Variants in TENM4 observed in about 807,000 individuals in gnomAD.
TENM4 encodes teneurin transmembrane protein 4.
TENM4 carries 82 observed loss-of-function variants against 243.3 expected under a neutral mutation model. That is an observed-to-expected ratio of 0.34 (90% confidence interval 0.28 to 0.40). TENM4 has a LOEUF of 0.40. TENM4 is among the 10% of genes least tolerant of loss of function. TENM4 has a pLI of 1.00. For synonymous variants in TENM4, 1,412 were observed against 1,456.3 expected (o/e 0.97, Z 0.69); for missense variants, 3,138 against 3,673.3 (o/e 0.85, Z 3.77).
At chr11:79,318,964 C>A (rs1257711107) in intron 1 of TENM4, among the ~76,000 whole-genome samples, 1 of 152,200 alleles carries the variant, frequency 6.6e-6, no homozygotes, top group African/African-American at 2.4e-5. Context: ...ATCCAGCCAT[C>A]AGCCACAGCT....
chr11:78,907,244 CTTTT>C (rs529102939), intron 6 of TENM4, among the ~76,000 whole-genome samples: 13 of 133,714 alleles, frequency 9.7e-5, no homozygotes, highest in Non-Finnish European at 1.1e-4. Context: ...GAATGGACTC[CTTTT>C]TTTTTTTTTT....
At chr11:79,242,918 C>T (rs1855449669) in intron 2 of TENM4, among the ~76,000 whole-genome samples, 1 of 152,186 alleles carries the variant, frequency 6.6e-6, no homozygotes, top group South Asian at 2.1e-4. Flanking sequence ...GGTATCCCTC[C>T]ATGCAGGCCT....
At chr11:78,914,816 T>G (rs1245494483) in intron 6 of TENM4, among the ~76,000 whole-genome samples, 1 of 152,212 alleles carries the variant, frequency 6.6e-6, no homozygotes, top group African/African-American at 2.4e-5. Flanking sequence ...TGCTAGCTCC[T>G]CACCACCCCT....
intron 4 of TENM4, among the ~76,000 whole-genome samples, chr11:79,082,627 A>G (rs1422897245): frequency 6.6e-6 from 1 of 152,184 alleles, no homozygotes; most frequent in Non-Finnish European, 1.5e-5. Flanking sequence ...AAAATGCTCC[A>G]TCTAGGGCTC....
intron 1 of TENM4, among the ~76,000 whole-genome samples, chr11:79,309,490 C>A (rs1168538217): frequency 6.6e-6 from 1 of 152,210 alleles, no homozygotes; most frequent in Admixed American, 6.5e-5. Flanking sequence ...TTCTGGGGGA[C>A]CGCCTGGTTT....
chr11:79,323,398 C>A (rs916814824), intron 1 of TENM4, among the ~76,000 whole-genome samples: 7 of 152,192 alleles, frequency 4.6e-5, no homozygotes, highest in African/African-American at 1.7e-4. Context: ...GAAACGTTGA[C>A]CCACTCTCTA....
chr11:79,113,827 A>G (rs1348608818), intron 4 of TENM4, among the ~76,000 whole-genome samples: 4 of 152,184 alleles, frequency 2.6e-5, no homozygotes, highest in African/African-American at 9.7e-5. Flanking sequence ...GGAGAAGGAC[A>G]GGCCTAACCT....
At chr11:78,734,758 C>T (rs1485796621) in intron 20 of TENM4, among the ~76,000 whole-genome samples, 3 of 152,190 alleles carry the variant, frequency 2.0e-5, no homozygotes, top group Non-Finnish European at 4.4e-5. Flanking sequence ...CATGGCATTG[C>T]ACTGTCATTG....
chr11:78,856,322 T>TCCCCACCCC, intron 10 of TENM4, 144 bp from the exon 11 acceptor site: 1 of 703,944 alleles, frequency 1.4e-6, no homozygotes, highest in South Asian at 2.0e-5. Flanking sequence ...CTCCCCACCC[T>TCCCCACCCC]GGCCCTCCCC....
intron 1 of TENM4, among the ~76,000 whole-genome samples, chr11:79,382,151 A>AG (rs1055687234): frequency 6.6e-6 from 1 of 152,210 alleles, no homozygotes; most frequent in Admixed American, 6.5e-5. Context: ...AAGGACACAC[A>AG]GCTCATTAGG....
At position 78,735,613 on chromosome 11, in the gene TENM4, C is replaced by A. The variant is rs191002885; in HGVS notation, c.2876+2838G>T. On this transcript the variant is annotated intron_variant, in intron 20 of 33. Transcript: ENST00000278550. The stretch of plus-strand genomic sequence containing the variant: ...TTTGGACATGAATGTGAATGTGACC[C>A]CAAAGGGAAGGCCTGGTTATCATAT... Among the ~76,000 whole-genome samples the A allele has an allele frequency of 4.8e-3, 731 of 152,264 alleles. 4 individuals carry two copies. Among genetic ancestry groups the A allele is most frequent in the African/African-American group, 0.016 (673 of 41,554 alleles).
chr11:78,799,983 AG>A (rs1168723681), intron 15 of TENM4, among the ~76,000 whole-genome samples: 1 of 152,188 alleles, frequency 6.6e-6, no homozygotes, highest in Non-Finnish European at 1.5e-5. Flanking sequence ...AGGGTGGGGA[AG>A]GAAGACCTGA....
chr11:79,082,645 T>A (rs1282513291), intron 4 of TENM4, among the ~76,000 whole-genome samples: 1 of 152,204 alleles, frequency 6.6e-6, no homozygotes, highest in Non-Finnish European at 1.5e-5. Flanking sequence ...CTCCAAGTTC[T>A]GTGAGATGCA....
At chr11:79,002,085 C>A (rs538154674) in intron 6 of TENM4, among the ~76,000 whole-genome samples, 8 of 152,092 alleles carry the variant, frequency 5.3e-5, no homozygotes, top group African/African-American at 1.2e-4. Flanking sequence ...CATGAGCACA[C>A]CCTGCCATCC....
intron 2 of TENM4, among the ~76,000 whole-genome samples, chr11:79,264,542 G>A (rs1359333291): frequency 2.0e-5 from 3 of 152,110 alleles, no homozygotes; most frequent in Admixed American, 6.6e-5. Flanking sequence ...AATATTCAAG[G>A]AAGGTTCTGA....
At chr11:79,362,204 G>A (rs1466859065) in intron 1 of TENM4, among the ~76,000 whole-genome samples, 1 of 152,188 alleles carries the variant, frequency 6.6e-6, no homozygotes, top group African/African-American at 2.4e-5. Context: ...TAAGCTTGAA[G>A]GTAAGATGTG....
intron 14 of TENM4, among the ~76,000 whole-genome samples, chr11:78,810,300 G>C (rs967573942): frequency 2.0e-5 from 3 of 152,150 alleles, no homozygotes; most frequent in East Asian, 3.9e-4. Context: ...TTTTCAAATA[G>C]ATAACGTAAA....
chr11:78,659,291 C>T (rs559787182), intron 33 of TENM4, among the ~76,000 whole-genome samples: 3 of 152,278 alleles, frequency 2.0e-5, no homozygotes, highest in Non-Finnish European at 2.9e-5. Flanking sequence ...TCACCTTATA[C>T]GGTAGGTGCT....
chr11:79,313,755 G>A (rs1288326098), intron 1 of TENM4, among the ~76,000 whole-genome samples: 1 of 152,158 alleles, frequency 6.6e-6, no homozygotes, highest in African/African-American at 2.4e-5. Context: ...AGGCTCTTCT[G>A]TTTCCCTCCG....
Sources: gnomAD v4.1 joint callset for allele counts (sites outside exome capture counted in the v4.1 genomes callset) on GRCh38, gnomAD v4.1.1 for gene constraint, MANE v1.5 for transcripts, NCBI Gene and HGNC (gene_info 2026-07-23, HGNC 2026-07-21) for gene names.